The following EFCAB11 variants were observed in gnomAD, a reference collection of about 807,000 sequenced individuals.
EFCAB11 encodes EF-hand calcium-binding domain-containing protein 11.
A neutral mutation model predicts 23.0 loss-of-function variants in EFCAB11; 14 were observed. The ratio of observed to expected loss-of-function variants is 0.61; its 90% CI spans 0.40 to 0.95. The LOEUF (loss-of-function observed/expected upper bound fraction) is 0.95. Among genes scored for constraint, EFCAB11 ranks in the 40% least tolerant of loss-of-function variants. The probability of loss-of-function intolerance (pLI) is 0.00; values close to 1 mark genes in which losing one functional copy is unlikely to be tolerated. For missense variants in EFCAB11, 198 were observed against 195.8 expected (o/e 1.01, Z -0.07); for synonymous variants, 65 against 66.6 (o/e 0.98, Z 0.11).
intron 5 of EFCAB11, among the ~76,000 whole-genome samples, chr14:89,813,614 C>T (rs1157597786): frequency 6.6e-6 from 1 of 152,060 alleles, no homozygotes; most frequent in Non-Finnish European, 1.5e-5. Flanking sequence ...TCAGCCAGAT[C>T]TCCTCCCAAC....
intron 5 of EFCAB11, among the ~76,000 whole-genome samples, chr14:89,886,824 A>T (rs907722600): frequency 6.6e-6 from 1 of 152,206 alleles, no homozygotes; most frequent in Non-Finnish European, 1.5e-5. Context: ...CAGATACACA[A>T]TTCTCAGAGA....
intron 5 of EFCAB11, among the ~76,000 whole-genome samples, chr14:89,925,206 G>A (rs767197621): frequency 5.3e-5 from 8 of 152,154 alleles, no homozygotes; most frequent in Non-Finnish European, 8.8e-5. Context: ...ATAATCAAAG[G>A]AACAAGTACC....
At chr14:89,898,690 G>A (rs768605185) in intron 5 of EFCAB11, among the ~76,000 whole-genome samples, 82 of 136,410 alleles carry the variant, frequency 6.0e-4, no homozygotes, top group Non-Finnish European at 1.0e-3. Context: ...TTTTTTTAAG[G>A]AGGCAAAGTA....
intron 5 of EFCAB11, among the ~76,000 whole-genome samples, chr14:89,905,493 C>T (rs557876098): frequency 7.5e-4 from 114 of 152,254 alleles, no homozygotes; most frequent in African/African-American, 2.6e-3. Context: ...AGAAGGGATA[C>T]TCACTGAGGA....
At chr14:89,843,915 A>G (rs921399470) in intron 5 of EFCAB11, among the ~76,000 whole-genome samples, 17 of 152,252 alleles carry the variant, frequency 1.1e-4, no homozygotes, top group African/African-American at 4.1e-4. Flanking sequence ...AAGTTTCTCA[A>G]ATTCTAAATT....
chr14:89,949,421 A>G (rs1891087131), intron 3 of EFCAB11, among the ~76,000 whole-genome samples: 1 of 152,132 alleles, frequency 6.6e-6, no homozygotes, highest in African/African-American at 2.4e-5. Flanking sequence ...CTGGAGTGCA[A>G]TGGCTCAATC....
At chr14:89,927,725 CT>C (rs374033325) in intron 5 of EFCAB11, among the ~76,000 whole-genome samples, 11,802 of 145,930 alleles carry the variant, frequency 0.081, 653 homozygotes, top group South Asian at 0.21. Context: ...ATGTGTTATT[CT>C]TTTTTTTTTT....
chr14:89,842,552 G>C (rs1217528998), intron 5 of EFCAB11, among the ~76,000 whole-genome samples: 1 of 152,108 alleles, frequency 6.6e-6, no homozygotes, highest in Non-Finnish European at 1.5e-5. Context: ...TCTAGCCTGG[G>C]CAACAGAGTG....
At chr14:89,853,997 A>G (rs779988301) in intron 5 of EFCAB11, among the ~76,000 whole-genome samples, 1 of 152,224 alleles carries the variant, frequency 6.6e-6, no homozygotes, top group Non-Finnish European at 1.5e-5. Context: ...GTTACATCTC[A>G]GGACAACTCT....
At chr14:89,812,442 GA>G (rs1886179555) in intron 5 of EFCAB11, among the ~76,000 whole-genome samples, 2 of 152,222 alleles carry the variant, frequency 1.3e-5, no homozygotes, top group South Asian at 4.1e-4. Flanking sequence ...GGAGTTCTTG[GA>G]ACTTCACAAA....
chr14:89,833,749 T>C (rs548131759), intron 5 of EFCAB11, among the ~76,000 whole-genome samples: 161 of 152,312 alleles, frequency 1.1e-3, no homozygotes, highest in Non-Finnish European at 1.7e-3. Flanking sequence ...GGAACATCCA[T>C]TGTCTTTTTA....
intron 5 of EFCAB11, among the ~76,000 whole-genome samples, chr14:89,832,137 A>G (rs759301472): frequency 1.3e-5 from 2 of 151,958 alleles, no homozygotes; most frequent in Non-Finnish European, 2.9e-5. Context: ...ACATGGTGAA[A>G]CCCCATCTCT....
At chr14:89,817,181 A>G (rs572949100) in intron 5 of EFCAB11, among the ~76,000 whole-genome samples, 35 of 152,230 alleles carry the variant, frequency 2.3e-4, no homozygotes, top group African/African-American at 8.4e-4. Flanking sequence ...TGGGACAATA[A>G]GGGGCAACTT....
At chr14:89,896,107 C>T (rs534954389) in intron 5 of EFCAB11, among the ~76,000 whole-genome samples, 3 of 152,142 alleles carry the variant, frequency 2.0e-5, no homozygotes, top group Non-Finnish European at 2.9e-5. Flanking sequence ...GTCTGGCGGC[C>T]GGGCGCGGTG....
chr14:89,806,230 G>A (rs1055778779), intron 5 of EFCAB11, among the ~76,000 whole-genome samples: 5 of 152,104 alleles, frequency 3.3e-5, no homozygotes, highest in African/African-American at 1.2e-4. Context: ...TAAGAATGAG[G>A]AATCTCATTG....
chr14:89,881,004 G>A (rs1888580498), intron 5 of EFCAB11, among the ~76,000 whole-genome samples: 2 of 152,028 alleles, frequency 1.3e-5, no homozygotes, highest in South Asian at 4.1e-4. Context: ...CTGATGGGTG[G>A]TACCACAGAA....
chr14:89,871,630 C>G (rs1219420259), intron 5 of EFCAB11, among the ~76,000 whole-genome samples: 1 of 152,210 alleles, frequency 6.6e-6, no homozygotes, highest in Non-Finnish European at 1.5e-5. Context: ...CCTCCCAAAT[C>G]TGCCAGTTTT....
intron 3 of EFCAB11, among the ~76,000 whole-genome samples, chr14:89,944,711 T>C (rs1438406524): frequency 6.6e-6 from 1 of 152,106 alleles, no homozygotes; most frequent in African/African-American, 2.4e-5. Flanking sequence ...GTGAAAATTT[T>C]CAACAAGAAA....
intron 5 of EFCAB11, among the ~76,000 whole-genome samples, chr14:89,891,582 A>T (rs999750511): frequency 6.6e-6 from 1 of 152,208 alleles, no homozygotes; most frequent in Non-Finnish European, 1.5e-5. Context: ...AATCTGTACC[A>T]AATATAAAAA....
Sources: gnomAD v4.1 joint callset for allele counts (sites outside exome capture counted in the v4.1 genomes callset) on GRCh38, gnomAD v4.1.1 for gene constraint, MANE v1.5 for transcripts, NCBI Gene and HGNC (gene_info 2026-07-23, HGNC 2026-07-21) for gene names.